STAG1: variants seen among roughly 807,000 people sequenced by gnomAD.
The protein encoded by STAG1 is cohesin subunit SA-1.
Under a neutral mutation model 170.9 loss-of-function variants are expected in STAG1, and 26 were observed. The observed-to-expected ratio is 0.15, with a 90% CI of 0.11 to 0.21. The LOEUF is 0.21. STAG1 is among the 10% of genes least tolerant of loss of function. The probability of loss-of-function intolerance (pLI) is 1.00; values close to 1 mark genes in which losing one functional copy is unlikely to be tolerated. For synonymous variants in STAG1, 514 were observed against 497.7 expected, an observed-to-expected ratio of 1.03 and a Z score of -0.44; for missense variants, 964 against 1,509.5, an observed-to-expected ratio of 0.64 and a Z score of 5.99.
intron 1 of STAG1, among the ~76,000 whole-genome samples, chr3:136,732,757 C>T (rs1367327456): frequency 5.9e-5 from 9 of 151,948 alleles, no homozygotes; most frequent in Non-Finnish European, 1.3e-4. Flanking sequence ...TTACAGGTGC[C>T]CACCACCATG....
At chr3:136,740,856 T>C (rs578140207) in intron 1 of STAG1, among the ~76,000 whole-genome samples, 2 of 152,310 alleles carry the variant, frequency 1.3e-5, no homozygotes, top group South Asian at 4.1e-4. Flanking sequence ...TGTAATCTAA[T>C]TTGGTGATAA....
At chr3:136,690,056 C>CAAA (rs57082567) in intron 1 of STAG1, among the ~76,000 whole-genome samples, 1 of 56,370 alleles carries the variant, frequency 1.8e-5, no homozygotes, top group East Asian at 5.8e-4. Flanking sequence ...AAAAGCAAAC[C>CAAA]AAAAAAAAAA....
chr3:136,671,114 G>A (rs1214783554), intron 1 of STAG1, among the ~76,000 whole-genome samples: 6 of 152,116 alleles, frequency 3.9e-5, no homozygotes, highest in South Asian at 2.1e-4. Flanking sequence ...GTGAAACCTC[G>A]TCTCTACTAA....
chr3:136,502,643 A>T lies in STAG1; in HGVS notation c.813T>A (p.Leu271=), dbSNP rs1384231665. 11 of 1,613,164 alleles carry T rather than the reference A, an allele frequency of 6.8e-6. 1 individual carries two copies. The highest frequency in any genetic ancestry group is 9.3e-6 in the Non-Finnish European group (11 of 1,179,782). Residue 271 remains leucine, a synonymous_variant, in exon 8 of 34, where the codon CTT becomes CTA. Transcript: ENST00000383202. ...KRANERLELL[L]QKRKELQENQ... ...TGAAACTTACCTCTTTGCGTTTCTG[A>T]AGTAGTAACTCCAACCTTTCATTGG...
intron 16 of STAG1, among the ~76,000 whole-genome samples, chr3:136,426,140 G>A (rs1302393211): frequency 6.6e-6 from 1 of 151,958 alleles, no homozygotes; most frequent in African/African-American, 2.4e-5. Context: ...GGGCGCGGTG[G>A]CTCATGCCTG....
intron 22 of STAG1, among the ~76,000 whole-genome samples, chr3:136,386,955 A>T (rs557870827): frequency 6.6e-6 from 1 of 152,256 alleles, no homozygotes; most frequent in Non-Finnish European, 1.5e-5. Context: ...GTAGCAAAAC[A>T]AGGACCTAGA....
chr3:136,398,840 T>C lies in STAG1; in HGVS notation c.2197-11A>G. 6.5e-7 allele frequency: 1 copy of C among 1,531,756 alleles called. No homozygotes were observed. Among genetic ancestry groups the C allele is most frequent in the Non-Finnish European group, 8.8e-7 (1 of 1,139,202 alleles). The allele number at this position is 1,531,756 out of a possible 1,614,324, so 94.9% of individuals were successfully genotyped here. A position where few individuals can be genotyped will look rare whatever the true frequency, so the allele number is the denominator to read the frequency against. ...TGCTTGCACGACTATCTGTATCAAA[T>C]GAAAAAAAATTTTTTTAATGAAAAA... is the stretch of plus-strand genomic sequence containing the variant. On this transcript the variant is annotated splice_polypyrimidine_tract_variant and intron_variant, in intron 21 of 33. Transcript: ENST00000383202.
intron 9 of STAG1, among the ~76,000 whole-genome samples, chr3:136,487,616 A>G (rs2090043489): frequency 6.6e-6 from 1 of 152,178 alleles, no homozygotes; most frequent in African/African-American, 2.4e-5. Flanking sequence ...GCTCCAATCC[A>G]CTTTGACTGC....
intron 12 of STAG1, among the ~76,000 whole-genome samples, chr3:136,467,585 C>T (rs1457074758): frequency 6.6e-6 from 1 of 152,130 alleles, no homozygotes; most frequent in East Asian, 1.9e-4. Context: ...CCACTGTCAA[C>T]ATTAGACAGA....
intron 10 of STAG1, among the ~76,000 whole-genome samples, chr3:136,473,859 CTATTT>C (rs1176959572): frequency 6.6e-6 from 1 of 151,626 alleles, no homozygotes; most frequent in Non-Finnish European, 1.5e-5. Flanking sequence ...TAAGTTATGC[CTATTT>C]TAAATATTTA....
chr3:136,452,739 G>A (rs2088981440), intron 13 of STAG1, among the ~76,000 whole-genome samples: 2 of 152,068 alleles, frequency 1.3e-5, no homozygotes, highest in Admixed American at 6.6e-5. Flanking sequence ...AAAATGATAA[G>A]GACTGCTATT....
At chr3:136,665,186 T>C (rs1325413922) in intron 1 of STAG1, among the ~76,000 whole-genome samples, 1 of 152,224 alleles carries the variant, frequency 6.6e-6, no homozygotes, top group Non-Finnish European at 1.5e-5. Flanking sequence ...TTAGATGATC[T>C]AGATGTGAGA....
intron 1 of STAG1, among the ~76,000 whole-genome samples, chr3:136,631,191 T>A (rs1014934345): frequency 6.6e-6 from 1 of 152,192 alleles, no homozygotes; most frequent in Non-Finnish European, 1.5e-5. Context: ...AGTAAATGAA[T>A]AAATAAACTA....
At chr3:136,405,493 C>T (rs924015664) in intron 21 of STAG1, among the ~76,000 whole-genome samples, 1 of 151,574 alleles carries the variant, frequency 6.6e-6, no homozygotes, top group Admixed American at 6.6e-5. Flanking sequence ...CTGCCTGTAT[C>T]GACCTCTCAA....
chr3:136,547,911 G>T (rs903844814), intron 5 of STAG1, among the ~76,000 whole-genome samples: 2 of 152,016 alleles, frequency 1.3e-5, no homozygotes, highest in Admixed American at 1.3e-4. Context: ...TAAGGTAAGG[G>T]TCCAAACCAA....
chr3:136,668,659 C>G (rs1229240773), intron 1 of STAG1, among the ~76,000 whole-genome samples: 1 of 151,996 alleles, frequency 6.6e-6, no homozygotes, highest in Non-Finnish European at 1.5e-5. Context: ...CAGTTCTGAT[C>G]TGCCAGCCCA....
chr3:136,445,115 T>G (rs2088741708), intron 14 of STAG1, among the ~76,000 whole-genome samples: 2 of 151,898 alleles, frequency 1.3e-5, no homozygotes. Flanking sequence ...CTCTGCCTCT[T>G]CTGACACTAA....
chr3:136,523,691 T>C (rs1021894058), intron 6 of STAG1, among the ~76,000 whole-genome samples: 11 of 152,194 alleles, frequency 7.2e-5, no homozygotes, highest in African/African-American at 2.4e-4. Flanking sequence ...CTGAGTGGTA[T>C]TGCCTAGGTT....
At chr3:136,641,756 A>G (rs928300215) in intron 1 of STAG1, among the ~76,000 whole-genome samples, 11 of 152,242 alleles carry the variant, frequency 7.2e-5, no homozygotes, top group African/African-American at 2.7e-4. Flanking sequence ...TGACATTTGA[A>G]TAAGTTCTAC....
Sources: allele counts gnomAD v4.1 joint callset (sites outside exome capture counted in the v4.1 genomes callset), GRCh38; gene constraint gnomAD v4.1.1; transcripts MANE v1.5; gene names NCBI Gene and HGNC (gene_info 2026-07-23, HGNC 2026-07-21).